The following DYSF variants were observed in gnomAD, a reference collection of about 807,000 sequenced individuals.
The protein encoded by DYSF is dysferlin.
A neutral mutation model predicts 274.9 loss-of-function variants in DYSF; 212 were observed. The ratio of observed to expected loss-of-function variants is 0.77; its 90% CI spans 0.69 to 0.86. The LOEUF is 0.86. Ranked by LOEUF, DYSF falls within the 40% of genes least tolerant of loss-of-function variation. DYSF has a pLI of 0.00. For missense variants in DYSF, 2,666 were observed against 2,783.2 expected (o/e 0.96, Z 0.95); for synonymous variants, 1,091 against 1,078.7 (o/e 1.01, Z -0.22).
chr2:71,650,052 T>C (rs2094628762), intron 42 of DYSF, among the ~76,000 whole-genome samples: 1 of 150,434 alleles, frequency 6.6e-6, no homozygotes, highest in African/African-American at 2.5e-5. Flanking sequence ...TGAGAATATC[T>C]ATGTGCTAAA....
rs1201733100 is a variant in DYSF at position 71,652,327 on chromosome 2, GA to G, written c.4627-3833del. On this transcript the variant is annotated intron_variant, in intron 42 of 55. Transcript: ENST00000410020. Reference sequence around the variant, plus strand: ...AACGGGTCGTTCATTTTAGAAAGGAGAAGACAAAATTATCCCTGTGTCTGAC... The same window carrying G: ...AACGGGTCGTTCATTTTAGAAAGGAGAGACAAAATTATCCCTGTGTCTGAC... Among the ~76,000 whole-genome samples the G allele has an allele frequency of 8.5e-5, 13 of 152,166 alleles. No individual in the cohort carries two copies. In the East Asian group the frequency reaches 2.1e-3, roughly 25 times the overall value.
intron 32 of DYSF, among the ~76,000 whole-genome samples, chr2:71,591,284 C>T (rs2093256773): frequency 6.6e-6 from 1 of 152,256 alleles, no homozygotes; most frequent in African/African-American, 2.4e-5. Context: ...AAGCTGTTTG[C>T]TCCTTCCCTC....
chr2:71,464,985 T>A (rs1053915420), upstream of DYSF, among the ~76,000 whole-genome samples: 3 of 151,864 alleles, frequency 2.0e-5, no homozygotes, highest in Admixed American at 6.6e-5. Flanking sequence ...TGTCACTGGG[T>A]GGGTTCAAGA....
intron 3 of DYSF, among the ~76,000 whole-genome samples, chr2:71,484,442 A>G (rs12992223): frequency 0.092 from 13,945 of 152,286 alleles, 767 homozygotes; most frequent in Admixed American, 0.17. Flanking sequence ...TGACACAGGC[A>G]TAATGTATAA....
At chr2:71,503,064 G>T (rs1226352327) in intron 3 of DYSF, 150 bp from the exon 4 acceptor site, 2 of 764,230 alleles carry the variant, frequency 2.6e-6, no homozygotes, top group Non-Finnish European at 4.7e-6. Flanking sequence ...GTGACTGGGT[G>T]TGGGGGTGCA....
At chr2:71,582,519 G>A (rs913935709) in intron 30 of DYSF, among the ~76,000 whole-genome samples, 2 of 152,110 alleles carry the variant, frequency 1.3e-5, no homozygotes, top group African/African-American at 2.4e-5. Flanking sequence ...GGTTGTGCAG[G>A]GTTTGTAGTA....
chr2:71,562,819 C>T (rs1023528758), intron 23 of DYSF, among the ~76,000 whole-genome samples: 10 of 152,168 alleles, frequency 6.6e-5, no homozygotes, highest in South Asian at 2.1e-4. Context: ...GACACTGTGT[C>T]GCTCAGCTGT....
At chr2:71,504,381 G>A (rs2085284696) in intron 4 of DYSF, among the ~76,000 whole-genome samples, 1 of 152,156 alleles carries the variant, frequency 6.6e-6, no homozygotes, top group South Asian at 2.1e-4. Flanking sequence ...CACTTCCCAG[G>A]AAAGTCCATC....
intron 9 of DYSF, among the ~76,000 whole-genome samples, 163 bp from the exon 10 acceptor site, chr2:71,516,825 GC>G (rs2086707430): frequency 2.0e-5 from 3 of 152,200 alleles, no homozygotes; most frequent in Non-Finnish European, 4.4e-5. Flanking sequence ...GACAGTATCT[GC>G]TGATGGGGTT....
chr2:71,593,225 C>T (rs1199849851), intron 32 of DYSF, among the ~76,000 whole-genome samples: 1 of 151,106 alleles, frequency 6.6e-6, no homozygotes, highest in African/African-American at 2.4e-5. Flanking sequence ...CTCCGCCTCC[C>T]AGGTTCAAGT....
chr2:71,489,313 T>C (rs1351211699), intron 3 of DYSF, among the ~76,000 whole-genome samples: 1 of 152,084 alleles, frequency 6.6e-6, no homozygotes, highest in Non-Finnish European at 1.5e-5. Flanking sequence ...ATCATATGAA[T>C]GCATAGGTGG....
At chr2:71,658,845 T>TA (rs756664833) in intron 43 of DYSF, 33 bp from the exon 44 acceptor site, 3 of 1,613,852 alleles carry the variant, frequency 1.9e-6, no homozygotes, top group Non-Finnish European at 2.5e-6. Context: ...ACAATGATGA[T>TA]AAAAATGAAA....
chr2:71,665,874 G>C (rs931284457), intron 47 of DYSF, among the ~76,000 whole-genome samples: 2 of 151,772 alleles, frequency 1.3e-5, no homozygotes, highest in African/African-American at 4.8e-5. Flanking sequence ...CCGTGTGTCT[G>C]AGATGCCCGC....
intron 40 of DYSF, among the ~76,000 whole-genome samples, chr2:71,616,907 C>G (rs933714816): frequency 6.6e-6 from 1 of 152,094 alleles, no homozygotes; most frequent in African/African-American, 2.4e-5. Context: ...GGCCTTTGTT[C>G]ACTAGTTGTT....
chr2:71,561,980 C>T, intron 23 of DYSF, 36 bp downstream of exon 23: 1 of 1,599,212 alleles, frequency 6.3e-7, no homozygotes, highest in African/African-American at 1.3e-5. Flanking sequence ...TTCTTCTGCT[C>T]TCCTGCTGCC....
At position 71,495,260 on chromosome 2, in the gene DYSF, A is replaced by C. The variant is rs758861337; in HGVS notation, c.240-7954A>C. Among the ~76,000 whole-genome samples the C allele has an allele frequency of 2.1e-4, 32 of 152,190 alleles. 1 individual carries two copies. Among genetic ancestry groups the C allele is most frequent in the Admixed American group, 1.2e-3 (19 of 15,276 alleles). The stretch of plus-strand genomic sequence containing the variant: ...GTGCTCACTACATATTTGTTGAATG[A>C]ATGAATGAATGACTTTTACAGATGA... On this transcript the variant is annotated intron_variant, in intron 3 of 55. Coordinates refer to ENST00000410020, the MANE Select transcript of DYSF (RefSeq NM_001130987.2).
intron 3 of DYSF, among the ~76,000 whole-genome samples, chr2:71,492,467 C>T (rs986726861): frequency 2.6e-5 from 4 of 152,142 alleles, no homozygotes; most frequent in African/African-American, 9.7e-5. Flanking sequence ...ATGAGTTACT[C>T]GCAATACATA....
chr2:71,567,834 C>T, intron 24 of DYSF, 117 bp from the exon 25 acceptor site: 2 of 1,469,100 alleles, frequency 1.4e-6, no homozygotes, highest in Non-Finnish European at 1.9e-6. Context: ...GGGACACTCC[C>T]AGTGAGGGTG....
chr2:71,584,258 G>C (rs892060167), intron 30 of DYSF, among the ~76,000 whole-genome samples: 1 of 152,134 alleles, frequency 6.6e-6, no homozygotes, highest in Non-Finnish European at 1.5e-5. Context: ...TCTGCACGGG[G>C]CTCAGAGTGG....
Sources: allele counts gnomAD v4.1 joint callset (sites outside exome capture counted in the v4.1 genomes callset), GRCh38; gene constraint gnomAD v4.1.1; transcripts MANE v1.5; gene names NCBI Gene and HGNC (gene_info 2026-07-23, HGNC 2026-07-21).